The following CAMSAP2 variants were observed in gnomAD, a reference collection of about 807,000 sequenced individuals.
The protein encoded by CAMSAP2 is calmodulin-regulated spectrin-associated protein 2.
CAMSAP2 carries 26 observed loss-of-function variants against 146.1 expected under a neutral mutation model. The ratio of observed to expected loss-of-function variants is 0.18; its 90% CI spans 0.13 to 0.25. The LOEUF (loss-of-function observed/expected upper bound fraction) is 0.25, where lower values mean the gene tolerates loss of function less well. CAMSAP2 is among the 10% of genes least tolerant of loss of function. The pLI, the probability that CAMSAP2 is intolerant of heterozygous loss-of-function variation, is 1.00. For missense variants in CAMSAP2, 1,381 were observed against 1,759.3 expected, an observed-to-expected ratio of 0.78 and a Z score of 3.85; for synonymous variants, 499 against 596.6, an observed-to-expected ratio of 0.84 and a Z score of 2.38.
intron 8 of CAMSAP2, among the ~76,000 whole-genome samples, chr1:200,846,856 A>G (rs570493640): frequency 4.6e-5 from 7 of 152,342 alleles, no homozygotes; most frequent in African/African-American, 1.7e-4. Flanking sequence ...AGGGTTTATT[A>G]TACCTATAGT....
At chr1:200,851,770 A>C (rs1667624801) in intron 11 of CAMSAP2, among the ~76,000 whole-genome samples, 1 of 152,176 alleles carries the variant, frequency 6.6e-6, no homozygotes, top group Non-Finnish European at 1.5e-5. Context: ...TATGTTAGAC[A>C]CCAAAGAAAT....
chr1:200,811,479 A>G (rs1263585799), intron 3 of CAMSAP2, among the ~76,000 whole-genome samples: 1 of 152,166 alleles, frequency 6.6e-6, no homozygotes, highest in Non-Finnish European at 1.5e-5. Context: ...TTCTAGTCAC[A>G]GTGCACTGTT....
chr1:200,816,176 C>T (rs1156532619), intron 4 of CAMSAP2, among the ~76,000 whole-genome samples: 1 of 152,006 alleles, frequency 6.6e-6, no homozygotes. Flanking sequence ...TACCTGTAAT[C>T]CCAGCCACTC....
At position 200,849,699 on chromosome 1, in the gene CAMSAP2, C is replaced by T. The variant is rs145337502; in HGVS notation, c.2930C>T (p.Thr977Ile). 1.1e-4 allele frequency: 177 copies of T among 1,614,196 alleles called. No individual in the cohort carries two copies. In the African/African-American group the frequency reaches 2.1e-3, roughly 19 times the overall value. The change falls in exon 11 of 17, where the codon ACT (threonine) becomes ATT (isoleucine). Residue 977 changes from threonine to isoleucine, a missense_variant. Thr to Ile is a moderately conservative substitution (Grantham distance 89, BLOSUM62 -1). Around this residue, in one of 4 missense-constraint regions of CAMSAP2, gnomAD observed 560 missense variants for 715.9 expected, o/e 0.78. Coordinates refer to ENST00000358823, the MANE Select transcript of CAMSAP2 (RefSeq NM_203459.4). This position sits in a 1 kb window ranked among gnomAD's most constrained non-coding sequence, Gnocchi z 6.3. The stretch of plus-strand genomic sequence containing the variant: ...TCTTTTTCTGTTAAAAGTCAAAGGA[C>T]TCCTAGGCCAAATGAGTTAAAAATA... ...SASFSVKSQR[T>I]PRPNELKITP... is the part of the protein sequence containing the mutation.
At chr1:200,767,291 G>A (rs1664980562) in intron 2 of CAMSAP2, among the ~76,000 whole-genome samples, 1 of 151,746 alleles carries the variant, frequency 6.6e-6, no homozygotes, top group African/African-American at 2.4e-5. Context: ...GAACCTGGGA[G>A]GCAGAGGTTG....
At chr1:200,740,065 C>A in intron 1 of CAMSAP2, 99 bp downstream of exon 1, 1 of 1,348,470 alleles carries the variant, frequency 7.4e-7, no homozygotes, top group Non-Finnish European at 1.0e-6. Context: ...CCGTGCCTGT[C>A]TTCTCGTACA....
chr1:200,833,623 GA>G (rs1435806928), intron 6 of CAMSAP2, among the ~76,000 whole-genome samples: 1 of 151,960 alleles, frequency 6.6e-6, no homozygotes, highest in Non-Finnish European at 1.5e-5. Context: ...GCAAAATAGA[GA>G]ATAAGCCATT....
intron 4 of CAMSAP2, among the ~76,000 whole-genome samples, chr1:200,816,859 T>C (rs532295451): frequency 0.016 from 779 of 47,386 alleles, 137 homozygotes; most frequent in Non-Finnish European, 0.026. Flanking sequence ...CACACACGCG[T>C]GTGTATGTGT....
At chr1:200,752,773 C>T (rs1261587156) in intron 1 of CAMSAP2, among the ~76,000 whole-genome samples, 11 of 152,078 alleles carry the variant, frequency 7.2e-5, no homozygotes, top group South Asian at 2.1e-4. Flanking sequence ...CCCGCCACCA[C>T]GCACGGCTAA....
At chr1:200,759,596 A>G (rs1396319207) in intron 1 of CAMSAP2, among the ~76,000 whole-genome samples, 11 of 152,106 alleles carry the variant, frequency 7.2e-5, no homozygotes, top group Non-Finnish European at 1.5e-5. Context: ...TCGAAGTACC[A>G]GTTTTGGTTA....
At chr1:200,744,664 G>C (rs1259819092) in intron 1 of CAMSAP2, among the ~76,000 whole-genome samples, 1 of 152,196 alleles carries the variant, frequency 6.6e-6, no homozygotes, top group Non-Finnish European at 1.5e-5. Flanking sequence ...ATGCGGTGGG[G>C]TGGCAGGGGA....
intron 1 of CAMSAP2, among the ~76,000 whole-genome samples, chr1:200,742,672 A>C (rs558605884): frequency 6.6e-6 from 1 of 152,312 alleles, no homozygotes; most frequent in South Asian, 2.1e-4. Flanking sequence ...ATTTACTAAA[A>C]TCACTCCTTT....
chr1:200,769,339 T>C (rs1006336516), intron 2 of CAMSAP2, among the ~76,000 whole-genome samples: 2 of 152,240 alleles, frequency 1.3e-5, no homozygotes, highest in African/African-American at 4.8e-5. Context: ...GTAAGACTCA[T>C]ACTAAGTTTC....
At chr1:200,855,522 T>C (rs1667726697) in intron 14 of CAMSAP2, among the ~76,000 whole-genome samples, 1 of 152,206 alleles carries the variant, frequency 6.6e-6, no homozygotes, top group African/African-American at 2.4e-5. Context: ...CAGATATTTA[T>C]AGAATGCTTA....
intron 1 of CAMSAP2, among the ~76,000 whole-genome samples, chr1:200,742,585 G>T (rs1664211614): frequency 6.6e-6 from 1 of 152,084 alleles, no homozygotes; most frequent in South Asian, 2.1e-4. Context: ...TGCAGGAAAG[G>T]TTAATAGATA....
chr1:200,849,466 A>C lies in CAMSAP2; in HGVS notation c.2697A>C (p.Gln899His). The change falls in exon 11 of 17, where the codon CAA (glutamine) becomes CAC (histidine). Residue 899 changes from glutamine (Q) to histidine (H), a missense_variant. Physicochemically the swap from Gln to His is conservative, Grantham distance 24 (BLOSUM62 0). Coordinates refer to ENST00000358823, the MANE Select transcript of CAMSAP2 (RefSeq NM_203459.4). This position sits in a 1 kb window ranked among gnomAD's most constrained non-coding sequence, Gnocchi z 6.3. ...SSLHFLQQEMQRLSLQQEMLM... is the reference protein window; with the variant it reads ...SSLHFLQQEMHRLSLQQEMLM... ...TGCATTTTCTACAACAAGAAATGCAACGCTTGTCACTTCAGCAGGAGATGT... is the reference window on the plus strand; with the variant it reads ...TGCATTTTCTACAACAAGAAATGCACCGCTTGTCACTTCAGCAGGAGATGT... The C allele has an allele frequency of 6.2e-7, 1 of 1,614,232 alleles. No homozygotes were observed.
At chr1:200,819,320 A>T (rs1260570054) in intron 4 of CAMSAP2, among the ~76,000 whole-genome samples, 1 of 152,054 alleles carries the variant, frequency 6.6e-6, no homozygotes, top group Non-Finnish European at 1.5e-5. Flanking sequence ...ACTTCTTTTG[A>T]TTGTAAATTA....
rs879806596 is a variant in CAMSAP2, at chr1:200,860,027, T to G, written c.*1968T>G. ...TGGATGCAAGACAATGGAGAAACTT[T>G]AAAACTAAACAGGACCACCCTTTAT... On this transcript the variant is annotated 3_prime_UTR_variant, in exon 17 of 17. Coordinates refer to ENST00000358823, the MANE Select transcript of CAMSAP2 (RefSeq NM_203459.4). 2.0e-5 allele frequency: 3 copies of G among 152,726 alleles called. No individual in the cohort carries two copies. The highest frequency in any genetic ancestry group is 4.4e-5 in the Non-Finnish European group (3 of 67,970). 9.5% of individuals were successfully genotyped at this position (152,726 alleles called of 1,614,324 possible).
At chr1:200,833,397 C>A (rs1018800273) in intron 6 of CAMSAP2, among the ~76,000 whole-genome samples, 3 of 151,964 alleles carry the variant, frequency 2.0e-5, no homozygotes, top group Non-Finnish European at 4.4e-5. Flanking sequence ...CCCATCCCTA[C>A]AATAAATACA....
Sources: allele counts gnomAD v4.1 joint callset (sites outside exome capture counted in the v4.1 genomes callset), GRCh38; gene constraint gnomAD v4.1.1; regional missense constraint gnomAD v4.1.1; non-coding constraint Gnocchi (gnomAD v3.1); transcripts MANE v1.5; gene names NCBI Gene and HGNC (gene_info 2026-07-23, HGNC 2026-07-21).